Variants in DGCR2 observed in about 807,000 individuals in gnomAD.
The protein encoded by DGCR2 is integral membrane protein DGCR2/IDD.
A neutral mutation model predicts 51.6 loss-of-function variants in DGCR2; 24 were observed. The ratio of observed to expected loss-of-function variants is 0.47; its 90% CI spans 0.34 to 0.65. The LOEUF is 0.65. Ranked by LOEUF, DGCR2 falls within the 30% of genes least tolerant of loss-of-function variation. The pLI, the probability that DGCR2 is intolerant of heterozygous loss-of-function variation, is 0.01. For synonymous variants in DGCR2, 340 were observed against 315.4 expected, an observed-to-expected ratio of 1.08 and a Z score of -0.82; for missense variants, 765 against 772.1, an observed-to-expected ratio of 0.99 and a Z score of 0.11.
intron 3 of DGCR2, among the ~76,000 whole-genome samples, chr22:19,067,378 A>G (rs2082761644): frequency 6.6e-6 from 1 of 152,182 alleles, no homozygotes; most frequent in African/African-American, 2.4e-5. Flanking sequence ...AATTTATTAA[A>G]TAACTAATCA....
chr22:19,041,219 G>A lies in DGCR2; in HGVS notation c.1235C>T (p.Pro412Leu), dbSNP rs781469912. 11 of 1,614,136 alleles carry A rather than the reference G, an allele frequency of 6.8e-6. No homozygotes were observed. Among genetic ancestry groups the A allele is most frequent in the Non-Finnish European group, 9.3e-6 (11 of 1,180,012 alleles). Reference protein sequence around the residue: ...GPDGFGTGLTPLHLSDDGEGG... With the variant: ...GPDGFGTGLTLLHLSDDGEGG... ...CTCTCCGTCGTCAGAAAGATGCAGC[G>A]GCGTGAGGCCCGTGCCAAACCCGTC... Residue 412 changes from proline to leucine, a missense_variant, in exon 9 of 10, where the codon CCG (proline) becomes CTG (leucine). Around this residue, in one of 3 missense-constraint regions of DGCR2, gnomAD observed 190 missense variants for 265.2 expected, o/e 0.72. Coordinates refer to ENST00000263196, the MANE Select transcript of DGCR2 (RefSeq NM_005137.3).
intron 5 of DGCR2, chr22:19,060,793 G>A (rs1400918668): frequency 2.1e-6 from 1 of 466,984 alleles, no homozygotes; most frequent in Non-Finnish European, 4.3e-6. Flanking sequence ...CCCCAGGCGG[G>A]GCTCACAGGC....
intron 6 of DGCR2, among the ~76,000 whole-genome samples, chr22:19,051,170 C>T (rs1194132808): frequency 9.8e-6 from 1 of 102,082 alleles, no homozygotes; most frequent in Non-Finnish European, 1.8e-5. Flanking sequence ...GCCTGGGCAA[C>T]AGAGTGAAAT....
At position 19,068,082 on chromosome 22, in the gene DGCR2, G is replaced by A. The variant is rs199979592; in HGVS notation, c.328+18C>T. On this transcript the variant is annotated intron_variant, in intron 3 of 9. Coordinates refer to ENST00000263196, the MANE Select transcript of DGCR2 (RefSeq NM_005137.3). ...TTGCACTCCCCAGTGTCCCAGTCAG[G>A]GCAGGTCTGCAACTTACTGCTGAAG... The A allele has an allele frequency of 2.4e-5, 37 of 1,556,396 alleles. No homozygotes were observed. In the East Asian group the frequency reaches 7.8e-4, roughly 33 times the overall value.
intron 1 of DGCR2, among the ~76,000 whole-genome samples, chr22:19,099,512 A>G (rs926137002): frequency 1.3e-5 from 2 of 151,988 alleles, no homozygotes; most frequent in South Asian, 2.1e-4. Flanking sequence ...CAGCCTGAGA[A>G]GTCAAGACTG....
chr22:19,077,444 T>G (rs1371649034), intron 2 of DGCR2, among the ~76,000 whole-genome samples: 1 of 152,218 alleles, frequency 6.6e-6, no homozygotes, highest in Non-Finnish European at 1.5e-5. Flanking sequence ...AAAGACACTT[T>G]TTCCCTCACT....
chr22:19,114,853 C>T (rs967767193), intron 1 of DGCR2, among the ~76,000 whole-genome samples: 4 of 152,296 alleles, frequency 2.6e-5, no homozygotes, highest in Non-Finnish European at 4.4e-5. Context: ...GTCCACCATA[C>T]CCACCAGAAT....
At chr22:19,092,708 T>A (rs1344708764) in intron 1 of DGCR2, among the ~76,000 whole-genome samples, 1 of 152,186 alleles carries the variant, frequency 6.6e-6, no homozygotes, top group African/African-American at 2.4e-5. Flanking sequence ...CCATTAACAA[T>A]AGTATCAAAA....
At chr22:19,078,708 C>G (rs1366595467) in intron 2 of DGCR2, among the ~76,000 whole-genome samples, 1 of 152,210 alleles carries the variant, frequency 6.6e-6, no homozygotes, top group African/African-American at 2.4e-5. Context: ...GACATCCTTG[C>G]ATTACATTTG....
chr22:19,072,759 A>C (rs2082829526), intron 2 of DGCR2, among the ~76,000 whole-genome samples: 1 of 152,198 alleles, frequency 6.6e-6, no homozygotes, highest in Admixed American at 6.5e-5. Context: ...CTGTAGTCCC[A>C]ACTACTCGGG....
At position 19,048,319 on chromosome 22, in the gene DGCR2, T is replaced by C. The variant is rs148800476; in HGVS notation, c.1006+121A>G. ...GACATCTCTGTGACAAACGCTGCCA[T>C]TGCTGCTGCGCGATGCTCCATAAAC... On this transcript the variant is annotated intron_variant, in intron 7 of 9. Transcript: ENST00000263196. 5.8e-4 allele frequency: 599 copies of C among 1,037,030 alleles called. 5 individuals are homozygous for C. In the East Asian group the frequency reaches 0.01, roughly 17 times the overall value. 64.2% of individuals were successfully genotyped at this position (1,037,030 alleles called of 1,614,324 possible). A position where few individuals can be genotyped will look rare whatever the true frequency, so the allele number is the denominator to read the frequency against.
intron 1 of DGCR2, among the ~76,000 whole-genome samples, chr22:19,107,324 G>A (rs1363079944): frequency 6.6e-6 from 1 of 152,202 alleles, no homozygotes; most frequent in African/African-American, 2.4e-5. Flanking sequence ...CTAGGGGAGT[G>A]CCAGCCACTT....
chr22:19,039,220 A>G, intron 9 of DGCR2, 99 bp from the exon 10 acceptor site: 1 of 1,481,366 alleles, frequency 6.8e-7, no homozygotes, highest in Non-Finnish European at 9.1e-7. Flanking sequence ...TCCTGCCTGA[A>G]GGCCCCCCTG....
At chr22:19,069,767 G>A (rs185231622) in intron 2 of DGCR2, among the ~76,000 whole-genome samples, 16 of 152,194 alleles carry the variant, frequency 1.1e-4, no homozygotes, top group African/African-American at 2.6e-4. Context: ...ACACAAGTGC[G>A]TATGTAGTCT....
chr22:19,054,816 T>C (rs2082584432), intron 6 of DGCR2, among the ~76,000 whole-genome samples: 1 of 148,764 alleles, frequency 6.7e-6, no homozygotes, highest in Non-Finnish European at 1.5e-5. Context: ...CTTAAAAGAG[T>C]TTCAGGCCAG....
chr22:19,097,197 G>A (rs1256223045), intron 1 of DGCR2, among the ~76,000 whole-genome samples: 1 of 152,010 alleles, frequency 6.6e-6, no homozygotes, highest in Non-Finnish European at 1.5e-5. Context: ...AGTAGTACTT[G>A]TCACTCCTGG....
At position 19,112,770 on chromosome 22, in the gene DGCR2, AC is replaced by A. The variant is rs889449909; in HGVS notation, c.79+9357del. Among the ~76,000 whole-genome samples, 23 of 144,426 alleles carry A rather than the reference AC, an allele frequency of 1.6e-4. 3 individuals carry two copies. Among genetic ancestry groups the A allele is most frequent in the African/African-American group, 5.3e-4 (21 of 39,434 alleles). 94.7% of individuals were successfully genotyped at this position (144,426 alleles called of 152,430 possible). A position where few individuals can be genotyped will look rare whatever the true frequency, so the allele number is the denominator to read the frequency against. The stretch of plus-strand genomic sequence containing the variant: ...TTTTGAACCTAACTGTGTAACAATC[AC>A]ATGGAAGAGAGAAGAGAATTAATCC... On this transcript the variant is annotated intron_variant, in intron 1 of 9. Coordinates refer to ENST00000263196, the MANE Select transcript of DGCR2 (RefSeq NM_005137.3).
rs367994263 is a variant in DGCR2 at position 19,064,880 on chromosome 22, G to A, written c.516C>T (p.Pro172=). 8.4e-5 allele frequency: 135 copies of A among 1,613,678 alleles called. No homozygotes were observed. The highest frequency in any genetic ancestry group is 1.6e-4 in the Middle Eastern group (1 of 6,078). The part of the protein sequence containing the change: ...RFVLAQEWDQ[P]ERSFGWKDQR... ...GGTCCTTCCAACCAAAGCTCCGCTC[G>A]GGCTGGTCCCATTCCTGGGCCAGGA... The change falls in exon 4 of 10, where the codon CCC becomes CCT. Residue 172 remains proline, a synonymous_variant. Transcript: ENST00000263196.
At chr22:19,093,308 C>T (rs865982321) in intron 1 of DGCR2, among the ~76,000 whole-genome samples, 10 of 150,050 alleles carry the variant, frequency 6.7e-5, no homozygotes, top group African/African-American at 1.5e-4. Context: ...TGTGGTGAGC[C>T]GAGATAGTGC....
Sources: allele counts gnomAD v4.1 joint callset (sites outside exome capture counted in the v4.1 genomes callset), GRCh38; gene constraint gnomAD v4.1.1; regional missense constraint gnomAD v4.1.1; transcripts MANE v1.5; gene names NCBI Gene and HGNC (gene_info 2026-07-23, HGNC 2026-07-21).